The following CD163L1 variants were observed in gnomAD, a reference collection of about 807,000 sequenced individuals.
CD163L1 encodes the protein CD163 molecule like 1, also known as scavenger receptor cysteine-rich type 1 protein M160.
A neutral mutation model predicts 165.4 loss-of-function variants in CD163L1; 124 were observed. The ratio of observed to expected loss-of-function variants is 0.75; its 90% CI spans 0.65 to 0.87. The LOEUF is 0.87. Ranked by LOEUF, CD163L1 falls within the 40% of genes least tolerant of loss-of-function variation. The probability of loss-of-function intolerance (pLI) is 0.00; values close to 1 mark genes in which losing one functional copy is unlikely to be tolerated. For missense variants in CD163L1, 1,525 were observed against 1,799.9 expected (o/e 0.85, Z 2.76); for synonymous variants, 585 against 662.2 (o/e 0.88, Z 1.79).
chr12:7,360,807 T>C (rs1198222291), intron 18 of CD163L1, among the ~76,000 whole-genome samples: 6 of 152,180 alleles, frequency 3.9e-5, no homozygotes, highest in Non-Finnish European at 1.5e-5. Context: ...TGGTTGTCTA[T>C]TCCATGAGAA....
chr12:7,399,903 T>C (rs367866985), intron 6 of CD163L1, among the ~76,000 whole-genome samples: 2 of 152,336 alleles, frequency 1.3e-5, no homozygotes, highest in East Asian at 3.9e-4. Flanking sequence ...AGAAATATTT[T>C]ACTATGTAGG....
chr12:7,362,669 A>G lies in CD163L1; in HGVS notation c.4279+4567T>C, dbSNP rs140259406. Among the ~76,000 whole-genome samples, 1,309 of 146,208 alleles carry G rather than the reference A, an allele frequency of 9.0e-3. 11 individuals are homozygous for G. Among genetic ancestry groups the G allele is most frequent in the Admixed American group, 0.023 (327 of 14,520 alleles). On this transcript the variant is annotated intron_variant, in intron 18 of 19. Transcript: ENST00000313599. Reference sequence around the variant, plus strand: ...TAAAATTATATAATTCTAATATAATATATGATTTATATTAATATAATTATA... The same window carrying G: ...TAAAATTATATAATTCTAATATAATGTATGATTTATATTAATATAATTATA...
chr12:7,344,077 C>CT (rs199896218), downstream of CD163L1, among the ~76,000 whole-genome samples: 1,118 of 150,084 alleles, frequency 7.4e-3, 13 homozygotes, highest in African/African-American at 0.025. Flanking sequence ...ATCACTAAGC[C>CT]TTTTTTTTTG....
the CD163L1 span, among the ~76,000 whole-genome samples, chr12:7,337,218 A>T: frequency 6.6e-6 from 1 of 152,216 alleles, no homozygotes. Context: ...TAAAAACCCT[A>T]GAAGGAAACC....
intron 9 of CD163L1, 130 bp downstream of exon 9, chr12:7,378,848 G>C: frequency 1.5e-6 from 1 of 648,846 alleles, no homozygotes; most frequent in South Asian, 2.7e-5. Flanking sequence ...TAGATAGAGG[G>C]TAGGATTACT....
intron 8 of CD163L1, among the ~76,000 whole-genome samples, chr12:7,388,931 T>C (rs956848068): frequency 2.0e-5 from 3 of 152,214 alleles, no homozygotes; most frequent in Admixed American, 6.5e-5. Flanking sequence ...TTGCAAATCA[T>C]TGAATCTCAT....
At chr12:7,327,190 A>C in the CD163L1 span, 80 of 1,364,660 alleles carry the variant, frequency 5.9e-5, no homozygotes, top group South Asian at 9.0e-5. Context: ...ATAGTAGCTC[A>C]TTATATAGGT....
chr12:7,368,735 T>C lies in CD163L1; in HGVS notation c.4072+198A>G. On this transcript the variant is annotated intron_variant, in intron 16 of 19. Coordinates refer to ENST00000313599, the MANE Select transcript of CD163L1 (RefSeq NM_174941.6). The surrounding 1 kb of genome is among the most constrained non-coding windows in gnomAD (Gnocchi z 4.3). ...CATGAGAGTCTTATCCTTCTCTGCA[T>C]GTAAAAAGGATTTTTCTAGAGAGAA... 2 of 592,552 alleles carry C rather than the reference T, an allele frequency of 3.4e-6. No homozygotes were observed. The highest frequency in any genetic ancestry group is 2.4e-5 in the Admixed American group (1 of 41,084). The allele number at this position is 592,552 out of a possible 1,614,324, so 36.7% of individuals were successfully genotyped here. A position where few individuals can be genotyped will look rare whatever the true frequency, so the allele number is the denominator to read the frequency against.
chr12:7,421,048 TGTATATAC>T (rs1437935474), intron 4 of CD163L1, among the ~76,000 whole-genome samples: 3 of 85,880 alleles, frequency 3.5e-5, no homozygotes, highest in Non-Finnish European at 5.8e-5. Context: ...TGTATATATA[TGTATATAC>T]GTATATATGT....
chr12:7,442,619 A>G (rs781534606), intron 1 of CD163L1, among the ~76,000 whole-genome samples: 72 of 152,332 alleles, frequency 4.7e-4, no homozygotes, highest in African/African-American at 1.7e-3. Flanking sequence ...GGAATGGGCA[A>G]TTAGTGTCCC....
intron 4 of CD163L1, among the ~76,000 whole-genome samples, chr12:7,421,556 CATATATGTACATAT>C (rs1283545158): frequency 7.7e-6 from 1 of 130,360 alleles, no homozygotes; most frequent in Admixed American, 8.0e-5. Flanking sequence ...TATACATATA[CATATATGTACATAT>C]ATACATGTAC....
At chr12:7,352,504 T>C (rs867503060), downstream of CD163L1, among the ~76,000 whole-genome samples, 2 of 152,172 alleles carry the variant, frequency 1.3e-5, no homozygotes, top group South Asian at 4.1e-4. Context: ...AAAGAGACTC[T>C]ATAGAGAAAT....
chr12:7,431,282 T>C (rs1948623146), intron 4 of CD163L1, among the ~76,000 whole-genome samples: 1 of 151,770 alleles, frequency 6.6e-6, no homozygotes, highest in South Asian at 2.1e-4. Flanking sequence ...CCGGGCGTGG[T>C]TGCGGGTGCC....
chr12:7,393,350 AGGCC>A (rs1197431978), intron 8 of CD163L1, among the ~76,000 whole-genome samples: 3 of 152,228 alleles, frequency 2.0e-5, no homozygotes, highest in Non-Finnish European at 4.4e-5. Flanking sequence ...GATGCAGAAA[AGGCC>A]TTAGACAAAA....
Position 7,375,718 on chromosome 12 carries a change from C to T in CD163L1, c.2668G>A (p.Val890Ile). 2 of 1,614,194 alleles carry T rather than the reference C, an allele frequency of 1.2e-6. No individual in the cohort carries two copies. Among genetic ancestry groups the T allele is most frequent in the Non-Finnish European group, 1.7e-6 (2 of 1,180,000 alleles). ...PEDTCIHSRE[V>I]GVVCSRYTDV... The stretch of plus-strand genomic sequence containing the variant: ...ATCTCACGGGAACAGACAACTCCAA[C>T]TTCTCTGCTGTGGATACAAGTGTCT... Residue 890 changes from valine (V) to isoleucine (I), a missense_variant, in exon 10 of 20, where the codon GTT becomes ATT. Coordinates refer to ENST00000313599, the MANE Select transcript of CD163L1 (RefSeq NM_174941.6).
At chr12:7,334,651 C>T in the CD163L1 span, among the ~76,000 whole-genome samples, 1 of 152,206 alleles carries the variant, frequency 6.6e-6, no homozygotes, top group Non-Finnish European at 1.5e-5. Context: ...GGCAATCAGG[C>T]AGGAGAAGGA....
chr12:7,438,868 C>T lies in CD163L1; in HGVS notation c.124+2286G>A. 5.7e-6 allele frequency: 9 copies of T among 1,579,934 alleles called. No individual in the cohort carries two copies. In the South Asian group the frequency reaches 8.9e-5, roughly 16 times the overall value. On this transcript the variant is annotated intron_variant, in intron 2 of 19. Transcript: ENST00000313599. ...TTTGGACAGATATAGGCATAAGCTT[C>T]TCTAACTCTGCAGCACTTTTGCCTC...
chr12:7,433,843 G>A, intron 2 of CD163L1, 149 bp from the exon 3 acceptor site: 1 of 596,314 alleles, frequency 1.7e-6, no homozygotes, highest in Non-Finnish European at 2.7e-6. Flanking sequence ...AAAATTTGAA[G>A]TGAGAAGCTT....
rs543780453 is a variant in CD163L1, at chr12:7,433,306, C to T, written c.445+68G>A. On this transcript the variant is annotated intron_variant, in intron 3 of 19. Coordinates refer to ENST00000313599, the MANE Select transcript of CD163L1 (RefSeq NM_174941.6). ...ACTATTAAAGTCATAATAGAAACCC[C>T]TACCTTCCAGCAGATGATTCCTGAG... The T allele has an allele frequency of 5.2e-3, 7,415 of 1,415,614 alleles. 27 individuals carry two copies. The highest frequency in any genetic ancestry group is 6.7e-3 in the Non-Finnish European group (6,970 of 1,040,980). The allele number at this position is 1,415,614 out of a possible 1,614,324, so 87.7% of individuals were successfully genotyped here.
Sources: allele counts gnomAD v4.1 joint callset (sites outside exome capture counted in the v4.1 genomes callset), GRCh38; gene constraint gnomAD v4.1.1; non-coding constraint Gnocchi (gnomAD v3.1); transcripts MANE v1.5; gene names NCBI Gene and HGNC (gene_info 2026-07-23, HGNC 2026-07-21).